ENAH: variants seen among roughly 807,000 people sequenced by gnomAD.
ENAH encodes the protein ENAH actin regulator.
A neutral mutation model predicts 78.7 loss-of-function variants in ENAH; 23 were observed. The ratio of observed to expected loss-of-function variants is 0.29; its 90% CI spans 0.21 to 0.41. ENAH has a LOEUF of 0.41. Ranked by LOEUF, ENAH falls within the 10% of genes least tolerant of loss-of-function variation. The pLI, the probability that ENAH is intolerant of heterozygous loss-of-function variation, is 1.00. For synonymous variants in ENAH, 226 were observed against 241.0 expected, an observed-to-expected ratio of 0.94 and a Z score of 0.58; for missense variants, 544 against 691.0, an observed-to-expected ratio of 0.79 and a Z score of 2.39.
chr1:225,568,879 A>G (rs1218187139), intron 1 of ENAH, among the ~76,000 whole-genome samples: 1 of 152,244 alleles, frequency 6.6e-6, no homozygotes, highest in Non-Finnish European at 1.5e-5. Flanking sequence ...GTAATTTTCC[A>G]TTAGAAAAAT....
chr1:225,509,192 C>T (rs966760130), intron 10 of ENAH, among the ~76,000 whole-genome samples: 1 of 151,900 alleles, frequency 6.6e-6, no homozygotes, highest in Non-Finnish European at 1.5e-5. Flanking sequence ...TGGGACAGGC[C>T]GAATCAGAAA....
chr1:225,512,843 G>C (rs1344662020), intron 8 of ENAH, 28 bp downstream of exon 8: 1 of 1,611,314 alleles, frequency 6.2e-7, no homozygotes, highest in South Asian at 1.1e-5. Context: ...TCAATTCTGG[G>C]CATGTCCATT....
At chr1:225,578,981 G>GATATAAATACTGACA (rs2096801316) in intron 1 of ENAH, among the ~76,000 whole-genome samples, 1 of 152,144 alleles carries the variant, frequency 6.6e-6, no homozygotes, top group Non-Finnish European at 1.5e-5. Flanking sequence ...TATGTATATA[G>GATATAAATACTGACA]TACTTACTAA....
intron 1 of ENAH, among the ~76,000 whole-genome samples, chr1:225,615,511 G>T (rs2097022710): frequency 6.6e-6 from 1 of 151,944 alleles, no homozygotes; most frequent in Non-Finnish European, 1.5e-5. Flanking sequence ...CCCATTGTCT[G>T]GGATGTGAGG....
At chr1:225,504,327 T>A (rs895619271) in intron 11 of ENAH, among the ~76,000 whole-genome samples, 4 of 152,188 alleles carry the variant, frequency 2.6e-5, no homozygotes, top group African/African-American at 9.6e-5. Context: ...TATTTTTTTA[T>A]GATGAGAGCG....
At position 225,548,210 on chromosome 1, in the gene ENAH, C is replaced by CTT. The variant is rs74723965; in HGVS notation, c.349+6694_349+6695dup. Among the ~76,000 whole-genome samples, 534 of 144,124 alleles carry CTT rather than the reference C, an allele frequency of 3.7e-3. 4 individuals carry two copies. Among genetic ancestry groups the CTT allele is most frequent in the Non-Finnish European group, 3.9e-3 (259 of 66,266 alleles). 94.6% of individuals were successfully genotyped at this position (144,124 alleles called of 152,430 possible). ...TTAATCCATATAGAATTTTCATTTT[C>CTT]TTTTTTTTTTTTGGACATTAGCATT... On this transcript the variant is annotated intron_variant, in intron 3 of 13. Coordinates refer to ENST00000366843, the MANE Select transcript of ENAH (RefSeq NM_018212.6).
chr1:225,592,167 A>G (rs1312479538), intron 1 of ENAH, among the ~76,000 whole-genome samples: 1 of 152,232 alleles, frequency 6.6e-6, no homozygotes, highest in Non-Finnish European at 1.5e-5. Context: ...ATTGCAAATA[A>G]ATAAATCTAG....
intron 1 of ENAH, among the ~76,000 whole-genome samples, chr1:225,597,253 G>C (rs1484004284): frequency 6.6e-6 from 1 of 152,066 alleles, no homozygotes; most frequent in Non-Finnish European, 1.5e-5. Flanking sequence ...TAGTGCCTTG[G>C]AACAAGGTCA....
chr1:225,622,085 T>A (rs1427489589), intron 1 of ENAH, among the ~76,000 whole-genome samples: 1 of 152,240 alleles, frequency 6.6e-6, no homozygotes, highest in African/African-American at 2.4e-5. Flanking sequence ...AAAGTCATAC[T>A]ATTATTAAGA....
intron 1 of ENAH, among the ~76,000 whole-genome samples, chr1:225,614,127 C>T (rs929091193): frequency 1.3e-5 from 2 of 151,514 alleles, no homozygotes; most frequent in African/African-American, 4.9e-5. Context: ...GGCACAATCT[C>T]GGCTCACTGC....
chr1:225,586,933 CAAA>C (rs571548591), intron 1 of ENAH, among the ~76,000 whole-genome samples: 2 of 32,820 alleles, frequency 6.1e-5, no homozygotes, highest in Admixed American at 3.0e-4. Flanking sequence ...CTGACCATCT[CAAA>C]AAAAAAAGAG....
chr1:225,645,527 G>C (rs550939031), intron 1 of ENAH, among the ~76,000 whole-genome samples: 42 of 152,266 alleles, frequency 2.8e-4, no homozygotes, highest in African/African-American at 9.6e-4. Flanking sequence ...GTGGACAAAT[G>C]TTTTCATTTC....
At chr1:225,586,178 C>T (rs1233692797) in intron 1 of ENAH, among the ~76,000 whole-genome samples, 3 of 142,288 alleles carry the variant, frequency 2.1e-5, no homozygotes, top group African/African-American at 7.8e-5. Flanking sequence ...CGTTTGAACC[C>T]GGAAGGCGGA....
intron 1 of ENAH, among the ~76,000 whole-genome samples, chr1:225,605,193 T>C (rs1327659541): frequency 3.9e-5 from 6 of 152,194 alleles, no homozygotes; most frequent in African/African-American, 9.7e-5. Context: ...CACTTGTGAA[T>C]AGAAAGACTA....
At chr1:225,505,387 G>A (rs1295557458) in intron 11 of ENAH, among the ~76,000 whole-genome samples, 1 of 152,156 alleles carries the variant, frequency 6.6e-6, no homozygotes, top group Non-Finnish European at 1.5e-5. Flanking sequence ...AGATCTGTAA[G>A]GTCTTAATAA....
chr1:225,539,297 G>GCTTA (rs1355918453), intron 3 of ENAH, among the ~76,000 whole-genome samples: 4 of 152,104 alleles, frequency 2.6e-5, no homozygotes, highest in African/African-American at 9.7e-5. Flanking sequence ...TATCCCAGAA[G>GCTTA]CTTAACATAC....
At chr1:225,621,002 C>CA (rs199884274) in intron 1 of ENAH, among the ~76,000 whole-genome samples, 102 of 149,180 alleles carry the variant, frequency 6.8e-4, no homozygotes, top group Admixed American at 1.7e-3. Context: ...TAGACTCCAT[C>CA]AAAAAAAAAG....
upstream of ENAH, among the ~76,000 whole-genome samples, chr1:225,653,683 C>T (rs976577533): frequency 2.6e-5 from 4 of 152,242 alleles, no homozygotes; most frequent in East Asian, 7.8e-4. This position sits in a 1 kb window ranked among gnomAD's most constrained non-coding sequence, Gnocchi z 4.3. Context: ...GCCGGGTGCC[C>T]TCGCGCGGGG....
At chr1:225,599,022 T>C (rs748530242) in intron 1 of ENAH, among the ~76,000 whole-genome samples, 6 of 152,152 alleles carry the variant, frequency 3.9e-5, no homozygotes, top group Non-Finnish European at 7.4e-5. Context: ...TTTCGCAATA[T>C]TGGGAAAACT....
Sources: gnomAD v4.1 joint callset for allele counts (sites outside exome capture counted in the v4.1 genomes callset) on GRCh38, gnomAD v4.1.1 for gene constraint, Gnocchi (gnomAD v3.1) non-coding constraint, MANE v1.5 for transcripts, NCBI Gene and HGNC (gene_info 2026-07-23, HGNC 2026-07-21) for gene names.